The following PDE1C variants were observed in gnomAD, a reference collection of about 807,000 sequenced individuals.
The protein encoded by PDE1C is dual specificity calcium/calmodulin-dependent 3',5'-cyclic nucleotide phosphodiesterase 1C.
Under a neutral mutation model 93.1 loss-of-function variants are expected in PDE1C, and 62 were observed. The observed-to-expected ratio is 0.67, with a 90% confidence interval of 0.54 to 0.82. The LOEUF (loss-of-function observed/expected upper bound fraction) is 0.82, where lower values mean the gene tolerates loss of function less well. Ranked by LOEUF, PDE1C falls within the 40% of genes least tolerant of loss-of-function variation. PDE1C has a pLI of 0.00. For synonymous variants in PDE1C, 325 were observed against 310.1 expected (o/e 1.05, Z -0.50); for missense variants, 742 against 884.6 (o/e 0.84, Z 2.04).
chr7:31,857,065 T>C (rs1359184694), intron 7 of PDE1C, among the ~76,000 whole-genome samples: 1 of 152,162 alleles, frequency 6.6e-6, no homozygotes, highest in Non-Finnish European at 1.5e-5. Context: ...CATACAACTT[T>C]ATTTTACCTT....
chr7:32,265,113 C>A (rs1810474502), intron 1 of PDE1C, among the ~76,000 whole-genome samples: 1 of 152,188 alleles, frequency 6.6e-6, no homozygotes, highest in Non-Finnish European at 1.5e-5. Flanking sequence ...GAGAGAGCAA[C>A]CTTAGCAAGA....
intron 1 of PDE1C, among the ~76,000 whole-genome samples, chr7:32,284,827 G>A (rs1811894679): frequency 6.6e-6 from 1 of 152,138 alleles, no homozygotes; most frequent in African/African-American, 2.4e-5. Context: ...GAGGTCAAGA[G>A]TTCAAGACCA....
intron 7 of PDE1C, among the ~76,000 whole-genome samples, chr7:31,856,242 T>C (rs1321607937): frequency 6.6e-6 from 1 of 152,206 alleles, no homozygotes; most frequent in African/African-American, 2.4e-5. Flanking sequence ...CAGTATGTTC[T>C]CCATTCATCA....
intron 3 of PDE1C, among the ~76,000 whole-genome samples, chr7:32,092,862 G>A (rs542997530): frequency 8.5e-4 from 122 of 143,924 alleles, no homozygotes; most frequent in Non-Finnish European, 1.5e-3. Flanking sequence ...TTGTAGTTGT[G>A]AATTCAGCAT....
intron 1 of PDE1C, among the ~76,000 whole-genome samples, chr7:32,318,631 C>G (rs1317149980): frequency 6.6e-6 from 1 of 152,186 alleles, no homozygotes; most frequent in African/African-American, 2.4e-5. Flanking sequence ...AGCGTGGTGT[C>G]TTTTCACCAG....
intron 17 of PDE1C, among the ~76,000 whole-genome samples, chr7:31,760,197 C>T (rs1794742645): frequency 6.6e-6 from 1 of 152,142 alleles, no homozygotes; most frequent in African/African-American, 2.4e-5. Context: ...TATTAAGAAT[C>T]CCTGAGAACA....
chr7:31,922,269 C>T (rs893796290), intron 2 of PDE1C, among the ~76,000 whole-genome samples: 2 of 152,148 alleles, frequency 1.3e-5, no homozygotes, highest in Non-Finnish European at 2.9e-5. Flanking sequence ...TTTGGAAACA[C>T]TAATGGAATT....
intron 2 of PDE1C, among the ~76,000 whole-genome samples, chr7:31,946,730 C>T (rs1806665207): frequency 6.6e-6 from 1 of 152,168 alleles, no homozygotes; most frequent in African/African-American, 2.4e-5. Context: ...AGTGTTGGCC[C>T]CCTGGTCCCA....
chr7:31,683,228 A>G, the PDE1C span, among the ~76,000 whole-genome samples: 123,769 of 152,080 alleles, frequency 0.81, 50,484 homozygotes, highest in Middle Eastern at 0.87. Context: ...TGTCACCATC[A>G]GGGGAAACTG....
chr7:32,146,610 A>C (rs138893373), intron 3 of PDE1C, among the ~76,000 whole-genome samples: 1 of 152,184 alleles, frequency 6.6e-6, no homozygotes, highest in East Asian at 1.9e-4. Context: ...TAACCTAAAT[A>C]CATCTGCAAA....
intron 2 of PDE1C, among the ~76,000 whole-genome samples, chr7:32,018,701 T>C (rs1485600543): frequency 6.6e-6 from 1 of 152,156 alleles, no homozygotes; most frequent in African/African-American, 2.4e-5. Context: ...TACTAATAAG[T>C]ACAGGATTTC....
intron 2 of PDE1C, among the ~76,000 whole-genome samples, chr7:31,886,652 A>G (rs1332616438): frequency 6.6e-6 from 1 of 152,148 alleles, no homozygotes; most frequent in Non-Finnish European, 1.5e-5. Flanking sequence ...AGCCCTCCCC[A>G]GTGGAGTTGA....
At chr7:32,121,453 G>A (rs997557556) in intron 3 of PDE1C, among the ~76,000 whole-genome samples, 1 of 151,822 alleles carries the variant, frequency 6.6e-6, no homozygotes, top group East Asian at 1.9e-4. Flanking sequence ...TTGAAATGAA[G>A]GAAAAAATGT....
At chr7:32,236,455 A>T (rs1808085033) in intron 1 of PDE1C, among the ~76,000 whole-genome samples, 1 of 152,184 alleles carries the variant, frequency 6.6e-6, no homozygotes, top group Admixed American at 6.5e-5. Flanking sequence ...TCAAAACTCA[A>T]TAGGAAGAAA....
At chr7:32,080,338 T>C (rs10268981) in intron 3 of PDE1C, among the ~76,000 whole-genome samples, 1 of 151,368 alleles carries the variant, frequency 6.6e-6, no homozygotes, top group Non-Finnish European at 1.5e-5. Context: ...AATTGACCAA[T>C]GACCAATTGG....
chr7:31,808,388 C>A, intron 16 of PDE1C: 1 of 241,736 alleles, frequency 4.1e-6, no homozygotes, highest in Non-Finnish European at 8.5e-6. Context: ...AAGGCCAGGG[C>A]AGGTGTTTCA....
chr7:31,828,425 C>T (rs773903309), intron 11 of PDE1C, 52 bp from the exon 12 acceptor site: 55 of 1,452,634 alleles, frequency 3.8e-5, no homozygotes, highest in Non-Finnish European at 5.1e-5. Context: ...CTGGGTCACC[C>T]AGATTTCATT....
chr7:32,319,704 C>T (rs571322745), intron 1 of PDE1C, among the ~76,000 whole-genome samples: 1 of 152,350 alleles, frequency 6.6e-6, no homozygotes, highest in East Asian at 1.9e-4. Context: ...AAGCAGCAGG[C>T]TTGGAACCCT....
intron 3 of PDE1C, among the ~76,000 whole-genome samples, chr7:32,081,713 T>A (rs1468596985): frequency 6.6e-6 from 1 of 152,360 alleles, no homozygotes; most frequent in South Asian, 2.1e-4. Flanking sequence ...GAAATTTTAA[T>A]GCATGACCTT....
Sources: gnomAD v4.1 joint callset for allele counts (sites outside exome capture counted in the v4.1 genomes callset) on GRCh38, gnomAD v4.1.1 for gene constraint, MANE v1.5 for transcripts, NCBI Gene and HGNC (gene_info 2026-07-23, HGNC 2026-07-21) for gene names.